TASOR: variants seen among roughly 807,000 people sequenced by gnomAD.
TASOR encodes protein TASOR.
TASOR carries 53 observed loss-of-function variants against 178.6 expected under a neutral mutation model. The ratio of observed to expected loss-of-function variants is 0.30; its 90% CI spans 0.24 to 0.37. The LOEUF (loss-of-function observed/expected upper bound fraction) is 0.37, where lower values mean the gene tolerates loss of function less well. Among genes scored for constraint, TASOR ranks in the 10% least tolerant of loss-of-function variants. The pLI, the probability that TASOR is intolerant of heterozygous loss-of-function variation, is 1.00. For synonymous variants in TASOR, 713 were observed against 696.2 expected, an observed-to-expected ratio of 1.02 and a Z score of -0.38; for missense variants, 1,815 against 1,971.4, an observed-to-expected ratio of 0.92 and a Z score of 1.50.
At chr3:56,629,218 C>CA (rs757569678) in intron 18 of TASOR, 4 of 152,154 alleles carry the variant, frequency 2.6e-5, no homozygotes, top group Non-Finnish European at 5.9e-5. Flanking sequence ...TGTGAGTTAA[C>CA]AGAAAGAACT....
intron 11 of TASOR, among the ~76,000 whole-genome samples, chr3:56,656,283 T>C (rs1239083942): frequency 6.6e-6 from 1 of 152,204 alleles, no homozygotes; most frequent in Non-Finnish European, 1.5e-5. Flanking sequence ...GAAAATGTAC[T>C]AACATGGAAA....
chr3:56,672,751 T>A (rs1193581276), intron 2 of TASOR, among the ~76,000 whole-genome samples: 2 of 152,206 alleles, frequency 1.3e-5, no homozygotes, highest in Non-Finnish European at 2.9e-5. Flanking sequence ...CTTCATTAAT[T>A]ACCTTCCAAT....
chr3:56,662,112 A>G (rs1380609388), intron 9 of TASOR, among the ~76,000 whole-genome samples: 1 of 151,054 alleles, frequency 6.6e-6, no homozygotes, highest in Admixed American at 6.6e-5. Context: ...ACTGAGTGAC[A>G]AGAGCGAAAC....
At chr3:56,665,815 CA>C (rs1435785172) in intron 7 of TASOR, among the ~76,000 whole-genome samples, 3 of 151,842 alleles carry the variant, frequency 2.0e-5, no homozygotes, top group Non-Finnish European at 2.9e-5. Context: ...ACTAAAAATA[CA>C]AAAAAATTAG....
chr3:56,654,879 G>A (rs1358439737), intron 11 of TASOR, among the ~76,000 whole-genome samples: 1 of 152,164 alleles, frequency 6.6e-6, no homozygotes, highest in Non-Finnish European at 1.5e-5. Flanking sequence ...GACTGAAACT[G>A]TACCATTGGC....
At chr3:56,640,836 T>C (rs1032787946) in intron 15 of TASOR, among the ~76,000 whole-genome samples, 28 of 152,218 alleles carry the variant, frequency 1.8e-4, no homozygotes, top group African/African-American at 6.8e-4. Context: ...ATAAATATAC[T>C]GGACACTCTA....
rs1199084129 is a variant in TASOR at position 56,668,406 on chromosome 3, C to T, written c.888G>A (p.Glu296=). ...GGATCCTGGAACCTACCTGAGTAAGCTCATAGGCTCTGTAAGCCAAAAGTG... is the reference window on the plus strand; with the variant it reads ...GGATCCTGGAACCTACCTGAGTAAGTTCATAGGCTCTGTAAGCCAAAAGTG... ...ITSLLAYRAY[E]LTQYYFYEYG... Residue 296 remains glutamate, a synonymous_variant, in exon 6 of 24, where the codon GAG becomes GAA. Transcript: ENST00000683822. 1.3e-6 allele frequency: 2 copies of T among 1,551,382 alleles called. No homozygotes were observed. The highest frequency in any genetic ancestry group is 1.7e-6 in the Non-Finnish European group (2 of 1,146,876).
At chr3:56,637,240 T>C (rs1466652648) in intron 17 of TASOR, among the ~76,000 whole-genome samples, 1 of 152,198 alleles carries the variant, frequency 6.6e-6, no homozygotes, top group African/African-American at 2.4e-5. Flanking sequence ...GTGATGGTCA[T>C]GTACATATGT....
In TASOR at chr3:56,633,390, A is replaced by G. The variant is rs748652670; in HGVS notation, c.3401T>C (p.Leu1134Pro). The stretch of plus-strand genomic sequence containing the variant: ...CAAAGGATCACTACACAGTGGCTCA[A>G]GGAGATGTTTATTGTTGAAGTCACT... ...SSSDFNNKHL[L>P]EPLCSDPLKD... is the part of the protein sequence containing the mutation. The change falls in exon 18 of 24, where the codon CTT becomes CCT. Residue 1134 changes from leucine to proline, a missense_variant. This residue lies in a region of TASOR where 655 missense variants were observed against 671.1 expected (regional missense o/e 0.98). Transcript: ENST00000683822. 1.2e-6 allele frequency: 2 copies of G among 1,614,130 alleles called. No homozygotes were observed. The highest frequency in any genetic ancestry group is 1.3e-5 in the African/African-American group (1 of 75,052).
intron 21 of TASOR, among the ~76,000 whole-genome samples, 197 bp downstream of exon 21, chr3:56,626,837 TAAC>T (rs2076810204): frequency 6.6e-6 from 1 of 151,862 alleles, no homozygotes; most frequent in Non-Finnish European, 1.5e-5. Flanking sequence ...CCTATGCACA[TAAC>T]AACTTCAGCA....
At chr3:56,672,453 T>C (rs1187398620) in intron 2 of TASOR, among the ~76,000 whole-genome samples, 1 of 152,232 alleles carries the variant, frequency 6.6e-6, no homozygotes, top group Non-Finnish European at 1.5e-5. Flanking sequence ...ACCACTTGGT[T>C]AACCAACTTG....
chr3:56,638,634 G>A, intron 17 of TASOR, 72 bp downstream of exon 17: 1 of 1,485,034 alleles, frequency 6.7e-7, no homozygotes, highest in Non-Finnish European at 9.4e-7. Flanking sequence ...CCTATTGATG[G>A]AGTATCAGAA....
At chr3:56,667,178 A>C (rs2030111154) in intron 6 of TASOR, among the ~76,000 whole-genome samples, 1 of 152,218 alleles carries the variant, frequency 6.6e-6, no homozygotes. Context: ...GGGTAATCAA[A>C]TGAGTCAGTC....
chr3:56,680,606 T>C (rs1026404761), intron 1 of TASOR, among the ~76,000 whole-genome samples: 1 of 152,164 alleles, frequency 6.6e-6, no homozygotes, highest in African/African-American at 2.4e-5. Context: ...ATGTATTAAA[T>C]TCTATCAGCA....
At chr3:56,652,944 G>A (rs911133132) in intron 11 of TASOR, among the ~76,000 whole-genome samples, 2 of 152,126 alleles carry the variant, frequency 1.3e-5, no homozygotes, top group African/African-American at 2.4e-5. Context: ...TAACAGACGT[G>A]GAAAATATGC....
At chr3:56,656,621 C>T (rs2077476085) in intron 11 of TASOR, among the ~76,000 whole-genome samples, 1 of 150,066 alleles carries the variant, frequency 6.7e-6, no homozygotes, top group African/African-American at 2.4e-5. Flanking sequence ...AAAGAAAATA[C>T]TATTTACAAA....
In TASOR at chr3:56,623,285, G is replaced by T; in HGVS notation, c.4765C>A (p.Gln1589Lys). Residue 1589 changes from glutamine (Q) to lysine (K), a missense_variant, in exon 24 of 24, where the codon CAA (glutamine) becomes AAA (lysine). Coordinates refer to ENST00000683822, the MANE Select transcript of TASOR (RefSeq NM_001365635.2). Reference protein sequence around the residue: ...SEGENSNSTEQDSYSNFQVYH... With the variant: ...SEGENSNSTEKDSYSNFQVYH... ...ACCTGAAAGTTACTATATGAATCTT[G>T]TTCTGTTGAATTGCTGTTCTCTCCT... is the stretch of plus-strand genomic sequence containing the variant. 1 of 1,613,458 alleles carries T rather than the reference G, an allele frequency of 6.2e-7. No individual in the cohort carries two copies. Among genetic ancestry groups the T allele is most frequent in the East Asian group, 2.2e-5 (1 of 44,846 alleles).
rs75399704 is a variant in TASOR, at chr3:56,632,703, C to G, written c.3747+341G>C. 7.7e-3 allele frequency among the ~76,000 whole-genome samples: 1,178 copies of G among 152,214 alleles called. 5 individuals are homozygous for G. The highest frequency in any genetic ancestry group is 0.011 in the Non-Finnish European group (751 of 68,008). On this transcript the variant is annotated intron_variant, in intron 18 of 23. Coordinates refer to ENST00000683822, the MANE Select transcript of TASOR (RefSeq NM_001365635.2). ...TCTGACTCTATTACCTAGGCTGGCA[C>G]AATCATAGCTAACTGTAATCTTGAA...
chr3:56,642,337 T>C (rs1018707144), intron 14 of TASOR, among the ~76,000 whole-genome samples: 1 of 152,202 alleles, frequency 6.6e-6, no homozygotes, highest in East Asian at 1.9e-4. Flanking sequence ...AAAAGTATTA[T>C]AAGAGGAAAC....
Sources: gnomAD v4.1 joint callset for allele counts (sites outside exome capture counted in the v4.1 genomes callset) on GRCh38, gnomAD v4.1.1 for gene constraint, gnomAD v4.1.1 regional missense constraint, MANE v1.5 for transcripts, NCBI Gene and HGNC (gene_info 2026-07-23, HGNC 2026-07-21) for gene names.